OPCML: variants seen among roughly 807,000 people sequenced by gnomAD.
OPCML encodes opioid-binding protein/cell adhesion molecule.
OPCML carries 13 observed loss-of-function variants against 37.8 expected under a neutral mutation model. The observed-to-expected ratio is 0.34, with a 90% CI of 0.22 to 0.55. The LOEUF is 0.55. Among genes scored for constraint, OPCML ranks in the 20% least tolerant of loss-of-function variants. The pLI is 0.91. For synonymous variants in OPCML, 176 were observed against 168.8 expected, an observed-to-expected ratio of 1.04 and a Z score of -0.33; for missense variants, 341 against 435.6, an observed-to-expected ratio of 0.78 and a Z score of 1.93.
intron 2 of OPCML, among the ~76,000 whole-genome samples, chr11:132,879,100 C>T (rs575390793): frequency 3.2e-4 from 48 of 152,206 alleles, no homozygotes; most frequent in Non-Finnish European, 4.0e-4. Context: ...ATGAAATTAA[C>T]GTAAGTAAGC....
intron 2 of OPCML, among the ~76,000 whole-genome samples, chr11:132,665,599 G>T (rs1021400060): frequency 2.0e-5 from 3 of 152,084 alleles, no homozygotes; most frequent in Admixed American, 2.0e-4. Context: ...TTCCTATCTT[G>T]GTAAAAGAAG....
chr11:132,914,739 T>C (rs1239417266), intron 2 of OPCML, among the ~76,000 whole-genome samples: 1 of 152,164 alleles, frequency 6.6e-6, no homozygotes, highest in African/African-American at 2.4e-5. Flanking sequence ...ATGAACAAAG[T>C]TGGGAGACGG....
intron 4 of OPCML, among the ~76,000 whole-genome samples, chr11:132,508,202 G>A (rs1347129947): frequency 6.6e-6 from 1 of 151,982 alleles, no homozygotes; most frequent in Admixed American, 6.6e-5. Context: ...ATAAATAAAG[G>A]GAAAACATGT....
chr11:133,412,095 C>T (rs918119144), intron 1 of OPCML, among the ~76,000 whole-genome samples: 1 of 152,200 alleles, frequency 6.6e-6, no homozygotes, highest in East Asian at 1.9e-4. Flanking sequence ...CAACACTCTG[C>T]AAAAGCAAGG....
chr11:132,759,729 T>C (rs1591568754), intron 2 of OPCML, among the ~76,000 whole-genome samples: 1 of 152,262 alleles, frequency 6.6e-6, no homozygotes, highest in East Asian at 1.9e-4. Flanking sequence ...TCTATTTTGT[T>C]AATCTTTTCT....
At chr11:133,444,357 T>C (rs1946428307) in intron 1 of OPCML, among the ~76,000 whole-genome samples, 1 of 152,184 alleles carries the variant, frequency 6.6e-6, no homozygotes, top group African/African-American at 2.4e-5. Flanking sequence ...TAAACATGTC[T>C]CTTATACAAA....
intron 4 of OPCML, among the ~76,000 whole-genome samples, chr11:132,468,176 G>C (rs922078229): frequency 6.6e-6 from 1 of 152,074 alleles, no homozygotes; most frequent in Non-Finnish European, 1.5e-5. Context: ...ACTCTCCTCT[G>C]GCTCTTTTTC....
At chr11:132,601,333 G>A (rs1404474266) in intron 3 of OPCML, among the ~76,000 whole-genome samples, 1 of 151,796 alleles carries the variant, frequency 6.6e-6, no homozygotes, top group Admixed American at 6.6e-5. Flanking sequence ...GCTCCACCTG[G>A]GATTACTTAA....
intron 1 of OPCML, among the ~76,000 whole-genome samples, chr11:133,197,887 TG>T (rs1938599174): frequency 6.6e-6 from 1 of 152,148 alleles, no homozygotes; most frequent in South Asian, 2.1e-4. Flanking sequence ...GGCATATATC[TG>T]GGACGTTCAT....
chr11:132,805,677 A>C (rs963228196), intron 2 of OPCML, among the ~76,000 whole-genome samples: 18 of 152,200 alleles, frequency 1.2e-4, no homozygotes, highest in Admixed American at 3.9e-4. Context: ...AGCCAGCAAA[A>C]GTTTCACAGG....
At chr11:133,137,148 G>A (rs939934644) in intron 1 of OPCML, among the ~76,000 whole-genome samples, 10 of 152,038 alleles carry the variant, frequency 6.6e-5, no homozygotes, top group African/African-American at 2.2e-4. Context: ...GAAGTGGGGG[G>A]CATTTTTACA....
At chr11:132,817,279 A>G (rs975389599) in intron 2 of OPCML, 2 of 152,192 alleles carry the variant, frequency 1.3e-5, no homozygotes, top group African/African-American at 4.8e-5. Flanking sequence ...TTTACTTTTG[A>G]AGATGATACA....
At chr11:132,589,639 G>A (rs968535727) in intron 3 of OPCML, among the ~76,000 whole-genome samples, 1 of 152,204 alleles carries the variant, frequency 6.6e-6, no homozygotes, top group African/African-American at 2.4e-5. Flanking sequence ...ACCAGTTGAA[G>A]TACCAGGCAA....
intron 2 of OPCML, among the ~76,000 whole-genome samples, chr11:132,775,878 TAA>T (rs1946793052): frequency 6.6e-6 from 1 of 152,230 alleles, no homozygotes; most frequent in Admixed American, 6.5e-5. Context: ...ATATATAAGT[TAA>T]AGTACAAAGT....
intron 1 of OPCML, among the ~76,000 whole-genome samples, chr11:133,474,210 AC>A (rs1296074485): frequency 6.6e-6 from 1 of 152,216 alleles, no homozygotes; most frequent in African/African-American, 2.4e-5. Flanking sequence ...CCAGTCTCTG[AC>A]TGAACTAGAA....
chr11:133,083,099 C>T (rs1948762270), intron 1 of OPCML, among the ~76,000 whole-genome samples: 1 of 152,068 alleles, frequency 6.6e-6, no homozygotes, highest in African/African-American at 2.4e-5. Context: ...CCGACGGCAC[C>T]CGTGTGCGCA....
chr11:133,210,423 C>A (rs76888653), intron 1 of OPCML, among the ~76,000 whole-genome samples: 1 of 152,104 alleles, frequency 6.6e-6, no homozygotes. Context: ...TCCCAGGTTG[C>A]CCCACTGCAG....
intron 1 of OPCML, among the ~76,000 whole-genome samples, chr11:133,327,162 G>T (rs1052632457): frequency 2.7e-5 from 4 of 148,570 alleles, no homozygotes; most frequent in Non-Finnish European, 6.0e-5. Flanking sequence ...GGGTGTGGGT[G>T]TGTGTAGTGT....
At chr11:133,414,244 T>G (rs985816012) in intron 1 of OPCML, among the ~76,000 whole-genome samples, 1 of 152,102 alleles carries the variant, frequency 6.6e-6, no homozygotes, top group African/African-American at 2.4e-5. Context: ...ATGGAACTTC[T>G]TACCCTAAAA....
Sources: gnomAD v4.1 joint callset for allele counts (sites outside exome capture counted in the v4.1 genomes callset) on GRCh38, gnomAD v4.1.1 for gene constraint, MANE v1.5 for transcripts, NCBI Gene and HGNC (gene_info 2026-07-23, HGNC 2026-07-21) for gene names.